Variants in PIEZO1 observed in about 807,000 individuals in gnomAD.
PIEZO1 encodes piezo type mechanosensitive ion channel component 1 (Er blood group).
In PIEZO1, 296 loss-of-function variants were observed where a neutral mutation model predicts 297.2. That is an observed-to-expected ratio of 1.00 (90% CI 0.91 to 1.10). The LOEUF is 1.10. PIEZO1 is among the 50% of genes least tolerant of loss of function. The probability of loss-of-function intolerance (pLI) is 0.00; values close to 1 mark genes in which losing one functional copy is unlikely to be tolerated. For missense variants in PIEZO1, 5,018 were observed against 3,455.5 expected (o/e 1.45, Z -11.34); for synonymous variants, 2,427 against 1,507.5 (o/e 1.61, Z -14.13).
Position 88,716,088 on chromosome 16 carries a change from G to A in PIEZO1, c.7161C>T (p.Ile2387=). ...NEEADYLGVR[I]QLRREQGAGA... Reference sequence around the variant, plus strand: ...CCGCACCCTGCTCCCTCCGCAGCTGGATACGCACGCCGAGGTAGTCGGCCT... The same window carrying A: ...CCGCACCCTGCTCCCTCCGCAGCTGAATACGCACGCCGAGGTAGTCGGCCT... The change falls in exon 50 of 51, where the codon ATC becomes ATT. Residue 2387 remains isoleucine (I), a synonymous_variant. Transcript: ENST00000301015. 1 of 1,549,022 alleles carries A rather than the reference G, an allele frequency of 6.5e-7. No individual in the cohort carries two copies. Among genetic ancestry groups the A allele is most frequent in the African/African-American group, 1.4e-5 (1 of 73,152 alleles).
chr16:88,778,880 G>A (rs571659517), intron 1 of PIEZO1, among the ~76,000 whole-genome samples: 2 of 152,330 alleles, frequency 1.3e-5, no homozygotes, highest in Non-Finnish European at 2.9e-5. Context: ...CCCAGGGAAG[G>A]CACCTGGGGA....
intron 1 of PIEZO1, among the ~76,000 whole-genome samples, chr16:88,753,764 T>A (rs1217103310): frequency 6.6e-6 from 1 of 152,220 alleles, no homozygotes; most frequent in Non-Finnish European, 1.5e-5. Context: ...CAGCTGTGAC[T>A]TTGTGGGCTA....
rs1471089115 is a variant in PIEZO1 at position 88,742,373 on chromosome 16, G to C, written c.210C>G (p.Phe70Leu). The change falls in exon 3 of 51, where the codon TTC becomes TTG. Residue 70 changes from phenylalanine (F) to leucine (L), a missense_variant. Phe to Leu is a conservative substitution (Grantham distance 22, BLOSUM62 0). Coordinates refer to ENST00000301015, the MANE Select transcript of PIEZO1 (RefSeq NM_001142864.4). ...LRALLGLSLL[F>L]LVAHLALQIC... ...TCTGGAGGGCGAGATGGGCCACCAG[G>C]AAGAGCAGGCTGAGGCCCAGCAATG... is the stretch of plus-strand genomic sequence containing the variant. 1 of 1,535,548 alleles carries C rather than the reference G, an allele frequency of 6.5e-7. No homozygotes were observed. The highest frequency in any genetic ancestry group is 8.7e-7 in the Non-Finnish European group (1 of 1,146,690).
At chr16:88,739,511 G>A (rs549078735) in intron 5 of PIEZO1, 8 of 152,378 alleles carry the variant, frequency 5.3e-5, no homozygotes, top group East Asian at 1.9e-4. Flanking sequence ...CCAGGTGCCC[G>A]GGCTGAGACC....
At chr16:88,747,091 C>T (rs1212700356) in intron 2 of PIEZO1, among the ~76,000 whole-genome samples, 1 of 152,212 alleles carries the variant, frequency 6.6e-6, no homozygotes, top group East Asian at 1.9e-4. Flanking sequence ...CTGCGCTGGG[C>T]ACAGTGACTC....
At position 88,727,573 on chromosome 16, in the gene PIEZO1, G is replaced by C. The variant is rs1279722272; in HGVS notation, c.3285C>G (p.Asn1095Lys). ...GGCACTCACTGATGAGGTTGGTGGA[G>C]TTGGGGGCCCGGAAGAAATCAGGCA... Reference protein sequence around the residue: ...LYLPDFFRAPNSTNLISDFLL... With the variant: ...LYLPDFFRAPKSTNLISDFLL... Residue 1095 changes from asparagine (N) to lysine (K), a missense_variant, in exon 23 of 51, where the codon AAC becomes AAG. Coordinates refer to ENST00000301015, the MANE Select transcript of PIEZO1 (RefSeq NM_001142864.4). 10 of 1,514,852 alleles carry C rather than the reference G, an allele frequency of 6.6e-6. No individual in the cohort carries two copies. Among genetic ancestry groups the C allele is most frequent in the Non-Finnish European group, 8.9e-6 (10 of 1,121,006 alleles). The allele number at this position is 1,514,852 out of a possible 1,614,324, so 93.8% of individuals were successfully genotyped here.
rs1405982452 is a variant in PIEZO1 at position 88,721,168 on chromosome 16, A to G, written c.5666T>C (p.Ile1889Thr). The change falls in exon 39 of 51, where the codon ATC becomes ACC. Residue 1889 changes from isoleucine (I) to threonine (T), a missense_variant and splice_region_variant. Ile to Thr is a moderately conservative substitution (Grantham distance 89). Transcript: ENST00000301015. Reference protein sequence around the residue: ...EGPARKGAAAIEAEDREEEEG... With the variant: ...EGPARKGAAATEAEDREEEEG... ...GTTGTGAGGCAGGGCGCTTATACCG[A>G]TGGCTGCCGCTCCTTTCCGTGCTGG... 2 of 1,501,556 alleles carry G rather than the reference A, an allele frequency of 1.3e-6. No homozygotes were observed. The highest frequency in any genetic ancestry group is 1.8e-6 in the Non-Finnish European group (2 of 1,126,400). 93.0% of individuals were successfully genotyped at this position (1,501,556 alleles called of 1,614,324 possible).
chr16:88,722,136 G>C, intron 36 of PIEZO1, 70 bp from the exon 37 acceptor site: 4 of 1,521,074 alleles, frequency 2.6e-6, no homozygotes, highest in Admixed American at 2.0e-5. Context: ...ATCTGTTGCC[G>C]GTCACAGTCA....
At position 88,759,074 on chromosome 16, in the gene PIEZO1, G is replaced by A. The variant is rs139885865; in HGVS notation, c.65-9595C>T. ...TTTTACAAGGGGAATGTTTTCATGC[G>A]TTGCTGGAGTTATCAACAAGTGAAC... is the stretch of plus-strand genomic sequence containing the variant. On this transcript the variant is annotated intron_variant, in intron 1 of 50. Transcript: ENST00000301015. Among the ~76,000 whole-genome samples the A allele has an allele frequency of 4.3e-4, 65 of 152,340 alleles. 1 individual carries two copies. Among genetic ancestry groups the A allele is most frequent in the South Asian group, 1.0e-3 (5 of 4,830 alleles).
At chr16:88,768,845 G>A (rs1907295739) in intron 1 of PIEZO1, among the ~76,000 whole-genome samples, 1 of 152,264 alleles carries the variant, frequency 6.6e-6, no homozygotes, top group South Asian at 2.1e-4. Context: ...GCAGGGCCCA[G>A]TCCGGGGCAC....
chr16:88,757,155 T>C (rs543743580), intron 1 of PIEZO1, among the ~76,000 whole-genome samples: 31 of 152,246 alleles, frequency 2.0e-4, no homozygotes, highest in Admixed American at 5.2e-4. Context: ...GGCAGGCAGA[T>C]GGCAATCCAG....
At chr16:88,733,849 A>C in intron 17 of PIEZO1, 57 bp downstream of exon 17, 2 of 1,462,618 alleles carry the variant, frequency 1.4e-6, no homozygotes, top group South Asian at 1.4e-5. Context: ...ACGCCCCCCG[A>C]GCTGGGACAT....
At chr16:88,722,458 G>A (rs754947292) in intron 35 of PIEZO1, 61 bp from the exon 36 acceptor site, 1,601 of 1,454,386 alleles carry the variant, frequency 1.1e-3, no homozygotes, top group Non-Finnish European at 1.2e-3. Flanking sequence ...AGGCTACAGG[G>A]AGGGTCAGGG....
intron 10 of PIEZO1, chr16:88,736,955 CTT>C: frequency 2.2e-6 from 1 of 461,794 alleles, no homozygotes; most frequent in South Asian, 3.1e-5. Flanking sequence ...CTGGGCCTCA[CTT>C]TCCTTGAAAG....
chr16:88,740,574 C>A (rs1156560138), intron 5 of PIEZO1: 1 of 152,430 alleles, frequency 6.6e-6, no homozygotes, highest in Non-Finnish European at 1.5e-5. Flanking sequence ...AATGCGGGCA[C>A]CAGCCTTGCC....
chr16:88,717,417 A>T, intron 44 of PIEZO1: 1 of 646,224 alleles, frequency 1.5e-6, no homozygotes, highest in Non-Finnish European at 2.8e-6. Context: ...CGTTGATCTT[A>T]GACAAGGGAG....
Position 88,722,823 on chromosome 16 carries a change from A to C in PIEZO1, c.4668+14T>G. 2 of 1,542,640 alleles carry C rather than the reference A, an allele frequency of 1.3e-6. No individual in the cohort carries two copies. The highest frequency in any genetic ancestry group is 1.7e-6 in the Non-Finnish European group (2 of 1,146,096). On this transcript the variant is annotated intron_variant, in intron 34 of 50. Coordinates refer to ENST00000301015, the MANE Select transcript of PIEZO1 (RefSeq NM_001142864.4). ...GGCAGAGCAGGGACGAGCGTGGTGC[A>C]CGGGCAGGCTCACCTGCAGGAGCTC...
At chr16:88,749,278 T>G (rs113521138) in intron 2 of PIEZO1, 106 bp downstream of exon 2, 1 of 678,634 alleles carries the variant, frequency 1.5e-6, no homozygotes, top group Non-Finnish European at 2.3e-6. Flanking sequence ...CCCCTCATCT[T>G]CCACCCCGGG....
chr16:88,742,158 T>A, intron 3 of PIEZO1, 63 bp from the exon 4 acceptor site: 1 of 1,526,808 alleles, frequency 6.5e-7, no homozygotes, highest in Non-Finnish European at 8.8e-7. Context: ...GGCCTGGTCA[T>A]CCCTGGAGCG....
Sources: allele counts gnomAD v4.1 joint callset (sites outside exome capture counted in the v4.1 genomes callset), GRCh38; gene constraint gnomAD v4.1.1; transcripts MANE v1.5; gene names NCBI Gene and HGNC (gene_info 2026-07-23, HGNC 2026-07-21).